PVT1: variants seen among roughly 807,000 people sequenced by gnomAD.
PVT1 encodes CXCR4/PVT1 fusion.
chr8:127,978,525 G>A (rs1039108879), intron 3 of PVT1, among the ~76,000 whole-genome samples: 2 of 151,936 alleles, frequency 1.3e-5, no homozygotes, highest in Admixed American at 1.3e-4. Flanking sequence ...CTGTTGCCCA[G>A]GCTGGAGTGC....
chr8:127,923,191 C>G (rs1349148208), intron 3 of PVT1, among the ~76,000 whole-genome samples: 1 of 152,218 alleles, frequency 6.6e-6, no homozygotes, highest in Non-Finnish European at 1.5e-5. Context: ...GACTCCGAAG[C>G]AGGTGGCGGA....
At chr8:127,859,973 G>C (rs909467590) in intron 2 of PVT1, among the ~76,000 whole-genome samples, 1 of 152,028 alleles carries the variant, frequency 6.6e-6, no homozygotes, top group Non-Finnish European at 1.5e-5. Flanking sequence ...GGTGTGGTGA[G>C]CCCCAGGAAT....
chr8:127,825,234 A>G lies in PVT1; in HGVS notation n.372+29163A>G, dbSNP rs527259652. Among the ~76,000 whole-genome samples the G allele has an allele frequency of 5.9e-5, 9 of 152,212 alleles. No homozygotes were observed. In the South Asian group the frequency reaches 1.7e-3, roughly 28 times the overall value. On this transcript the variant is annotated intron_variant and non_coding_transcript_variant, in intron 2 of 10. Coordinates refer to ENST00000651587, the Ensembl canonical transcript of PVT1. ...TGTGCACATATGTGTGCAGAAACCT[A>G]TAGGATAGATTTCTGCAAGAATTAT...
intron 3 of PVT1, among the ~76,000 whole-genome samples, chr8:127,944,688 T>A (rs1364667872): frequency 6.6e-6 from 1 of 152,088 alleles, no homozygotes; most frequent in Non-Finnish European, 1.5e-5. Flanking sequence ...AGGAGGAGGA[T>A]GCCAGTGGGA....
chr8:127,809,854 C>A (rs934310842), intron 2 of PVT1, among the ~76,000 whole-genome samples: 38 of 152,320 alleles, frequency 2.5e-4, no homozygotes, highest in African/African-American at 9.1e-4. Flanking sequence ...ATCACGTCAG[C>A]CAATCTTCGC....
chr8:127,874,443 G>T (rs1270195351), intron 2 of PVT1, among the ~76,000 whole-genome samples: 1 of 152,170 alleles, frequency 6.6e-6, no homozygotes, highest in Non-Finnish European at 1.5e-5. Flanking sequence ...GATCAGGGAT[G>T]GTTGCAGCTG....
At chr8:127,822,591 G>GA (rs1814745688) in intron 2 of PVT1, among the ~76,000 whole-genome samples, 1 of 152,064 alleles carries the variant, frequency 6.6e-6, no homozygotes, top group Admixed American at 6.5e-5. Context: ...AAGAAAGAAA[G>GA]AAAAAATAAA....
At chr8:127,921,854 G>GTTTTTTTTTTTTT (rs71300279) in intron 3 of PVT1, among the ~76,000 whole-genome samples, 7 of 71,906 alleles carry the variant, frequency 9.7e-5, no homozygotes, top group African/African-American at 1.2e-4. Flanking sequence ...TTTGGTTCAT[G>GTTTTTTTTTTTTT]TTTTTTTTTT....
intron 3 of PVT1, among the ~76,000 whole-genome samples, chr8:127,893,640 A>C (rs898117307): frequency 7.2e-5 from 11 of 152,244 alleles, no homozygotes; most frequent in African/African-American, 2.7e-4. Flanking sequence ...CTGACTCCAA[A>C]GCCACTGCAC....
intron 5 of PVT1, among the ~76,000 whole-genome samples, chr8:128,093,707 G>A (rs537815325): frequency 1.3e-5 from 2 of 151,300 alleles, no homozygotes; most frequent in East Asian, 3.9e-4. Context: ...GCACAGTCTC[G>A]GCTCACTGCA....
intron 2 of PVT1, among the ~76,000 whole-genome samples, chr8:127,874,999 G>C (rs1351409302): frequency 6.6e-6 from 1 of 152,046 alleles, no homozygotes; most frequent in African/African-American, 2.4e-5. Flanking sequence ...TTCACCATGC[G>C]TGCTTCTTTG....
chr8:128,059,410 T>C (rs1813803470), intron 4 of PVT1, among the ~76,000 whole-genome samples: 1 of 152,146 alleles, frequency 6.6e-6, no homozygotes, highest in South Asian at 2.1e-4. Flanking sequence ...CACCACTGTA[T>C]TTGTACAATC....
chr8:127,991,233 C>T (rs1047301273), intron 4 of PVT1, among the ~76,000 whole-genome samples: 3 of 150,902 alleles, frequency 2.0e-5, no homozygotes, highest in African/African-American at 7.3e-5. Flanking sequence ...AGCTCCACCT[C>T]CCGGGTTCAC....
intron 4 of PVT1, among the ~76,000 whole-genome samples, chr8:128,046,025 A>G (rs1673199896): frequency 6.6e-6 from 1 of 152,206 alleles, no homozygotes; most frequent in South Asian, 2.1e-4. Flanking sequence ...CATCCCTGTT[A>G]TAGGGATTCT....
chr8:128,047,144 T>C (rs1813624925), intron 4 of PVT1, among the ~76,000 whole-genome samples: 1 of 152,270 alleles, frequency 6.6e-6, no homozygotes, highest in African/African-American at 2.4e-5. Context: ...TGACATTTGC[T>C]GTGCCTTCTC....
chr8:128,098,864 G>A (rs1047861502), intron 6 of PVT1, among the ~76,000 whole-genome samples: 1 of 152,158 alleles, frequency 6.6e-6, no homozygotes, highest in Non-Finnish European at 1.5e-5. Context: ...AGGGACTTTT[G>A]TGCCCTCCTT....
At chr8:128,062,124 TCACTCTCCCAA>T (rs1362828116) in intron 4 of PVT1, among the ~76,000 whole-genome samples, 2 of 152,210 alleles carry the variant, frequency 1.3e-5, no homozygotes, top group Non-Finnish European at 2.9e-5. Flanking sequence ...AGGCTATTTT[TCACTCTCCCAA>T]CTGGTGAATG....
chr8:127,967,735 A>G (rs1435295315), intron 3 of PVT1, among the ~76,000 whole-genome samples: 1 of 152,250 alleles, frequency 6.6e-6, no homozygotes, highest in Non-Finnish European at 1.5e-5. Context: ...CAAGTGCTTT[A>G]AGACTCCTTT....
intron 2 of PVT1, among the ~76,000 whole-genome samples, chr8:127,809,843 G>GA (rs1172887429): frequency 3.9e-5 from 6 of 152,188 alleles, no homozygotes; most frequent in Admixed American, 3.9e-4. Context: ...GCAGCATTGG[G>GA]ATCACGTCAG....
Sources: allele counts gnomAD v4.1 joint callset (sites outside exome capture counted in the v4.1 genomes callset), GRCh38; gene constraint gnomAD v4.1.1; transcripts MANE v1.5; gene names NCBI Gene and HGNC (gene_info 2026-07-23, HGNC 2026-07-21).